The following TUB variants were observed in gnomAD, a reference collection of about 807,000 sequenced individuals.
The protein encoded by TUB is TUB bipartite transcription factor.
TUB carries 33 observed loss-of-function variants against 59.7 expected under a neutral mutation model. That is an observed-to-expected ratio of 0.55 (90% CI 0.42 to 0.74). The LOEUF (loss-of-function observed/expected upper bound fraction) is 0.74, where lower values mean the gene tolerates loss of function less well. Ranked by LOEUF, TUB falls within the 30% of genes least tolerant of loss-of-function variation. TUB has a pLI of 0.00. For missense variants in TUB, 659 were observed against 672.0 expected (o/e 0.98, Z 0.21); for synonymous variants, 293 against 256.4 (o/e 1.14, Z -1.36).
intron 1 of TUB, among the ~76,000 whole-genome samples, chr11:8,083,109 T>C (rs1053329799): frequency 6.6e-6 from 1 of 152,190 alleles, no homozygotes; most frequent in Non-Finnish European, 1.5e-5. Flanking sequence ...TCTTGGCACA[T>C]GTGGGCTGAG....
chr11:8,031,460 G>C (rs1271603231), intron 1 of TUB, among the ~76,000 whole-genome samples: 1 of 152,216 alleles, frequency 6.6e-6, no homozygotes, highest in African/African-American at 2.4e-5. Context: ...CTCCGCTTAG[G>C]TCGCTGAGCC....
chr11:8,059,037 C>T (rs1943072676), intron 2 of TUB, among the ~76,000 whole-genome samples: 1 of 152,160 alleles, frequency 6.6e-6, no homozygotes, highest in Non-Finnish European at 1.5e-5. Context: ...TACACATAGT[C>T]CCAACATGTC....
At chr11:8,074,021 T>C (rs539688793) in intron 2 of TUB, among the ~76,000 whole-genome samples, 1 of 152,306 alleles carries the variant, frequency 6.6e-6, no homozygotes, top group Non-Finnish European at 1.5e-5. Context: ...ATTGTCTTAG[T>C]GACACACCAT....
chr11:8,091,823 G>A (rs149571710), intron 3 of TUB, among the ~76,000 whole-genome samples: 403 of 152,276 alleles, frequency 2.6e-3, no homozygotes, highest in Non-Finnish European at 4.2e-3. Context: ...TCCTTTGTGA[G>A]TGCCATCCCA....
At chr11:8,099,512 G>A (rs1281576454) in intron 9 of TUB, among the ~76,000 whole-genome samples, 1 of 152,166 alleles carries the variant, frequency 6.6e-6, no homozygotes, top group African/African-American at 2.4e-5. Flanking sequence ...CCAGTTTTGG[G>A]GAGGCAGCCT....
chr11:8,037,033 T>C (rs1942656082), upstream of TUB, among the ~76,000 whole-genome samples: 1 of 152,210 alleles, frequency 6.6e-6, no homozygotes, highest in Non-Finnish European at 1.5e-5. Flanking sequence ...CCTTTTACTC[T>C]GACTGGAGGG....
chr11:8,026,773 T>G (rs899686659), intron 1 of TUB, among the ~76,000 whole-genome samples: 1 of 152,204 alleles, frequency 6.6e-6, no homozygotes, highest in African/African-American at 2.4e-5. Flanking sequence ...GTTTTTCAAG[T>G]TCTAACCCCC....
chr11:8,057,442 A>G (rs1434694412), intron 2 of TUB, among the ~76,000 whole-genome samples: 1 of 152,182 alleles, frequency 6.6e-6, no homozygotes, highest in African/African-American at 2.4e-5. Flanking sequence ...TCAAAATTAC[A>G]AAGTTTTCCA....
intron 2 of TUB, among the ~76,000 whole-genome samples, chr11:8,055,225 G>A (rs187179129): frequency 1.6e-3 from 244 of 151,762 alleles, no homozygotes; most frequent in Admixed American, 4.3e-3. Context: ...GTGTGTGTGC[G>A]TGTGTGAGAG....
intron 2 of TUB, among the ~76,000 whole-genome samples, chr11:8,066,605 C>T (rs1481777957): frequency 1.3e-5 from 2 of 152,182 alleles, no homozygotes; most frequent in Non-Finnish European, 2.9e-5. Flanking sequence ...CTGCTTGGGG[C>T]AACACCGCTC....
intron 2 of TUB, among the ~76,000 whole-genome samples, chr11:8,054,017 AG>A (rs1168965278): frequency 1.3e-5 from 2 of 151,792 alleles, no homozygotes; most frequent in African/African-American, 4.8e-5. Flanking sequence ...CGGGAGGCTG[AG>A]GCAGGAGAAT....
chr11:8,074,150 C>T (rs1267999777), intron 2 of TUB, among the ~76,000 whole-genome samples: 1 of 151,446 alleles, frequency 6.6e-6, no homozygotes, highest in East Asian at 2.0e-4. Context: ...TATCGTCTGT[C>T]TTCTCTTAAC....
At chr11:8,080,733 T>A (rs1254066946), upstream of TUB, among the ~76,000 whole-genome samples, 1 of 152,112 alleles carries the variant, frequency 6.6e-6, no homozygotes, top group Non-Finnish European at 1.5e-5. Context: ...AGGAAACACC[T>A]CCTTAACCCA....
At position 8,094,144 on chromosome 11, in the gene TUB, G is replaced by T. The variant is rs147424798; in HGVS notation, c.352G>T (p.Gly118Cys). 3 of 1,613,954 alleles carry T rather than the reference G, an allele frequency of 1.9e-6. No homozygotes were observed. The highest frequency in any genetic ancestry group is 2.5e-6 in the Non-Finnish European group (3 of 1,179,998). Residue 118 changes from glycine to cysteine, a missense_variant, in exon 4 of 12, where the codon GGC (glycine) becomes TGC (cysteine). Around this residue, in one of 3 missense-constraint regions of TUB, gnomAD observed 321 missense variants for 304.3 expected, o/e 1.05. Transcript: ENST00000299506. ...KRTKAAATAG[G>C]QGGAARKEKK... ...AACCAAGGCGGCAGCTACAGCAGGG[G>T]GCCAGGGTGGCGCCGCTAGGAAGGA... is the stretch of plus-strand genomic sequence containing the variant.
chr11:8,049,940 C>T (rs1178360967), intron 2 of TUB, among the ~76,000 whole-genome samples: 1 of 152,026 alleles, frequency 6.6e-6, no homozygotes, highest in Non-Finnish European at 1.5e-5. Flanking sequence ...CTACCCAGAC[C>T]AAGAAACACA....
chr11:8,092,758 C>T (rs908952403), intron 3 of TUB, among the ~76,000 whole-genome samples: 3 of 152,294 alleles, frequency 2.0e-5, no homozygotes, highest in South Asian at 2.1e-4. Flanking sequence ...TGCACACACG[C>T]GTGGCCTACC....
chr11:8,067,719 C>A (rs555361207), intron 2 of TUB: 6 of 152,532 alleles, frequency 3.9e-5, no homozygotes, highest in African/African-American at 1.4e-4. Flanking sequence ...TCTTTGTTGT[C>A]AGCCCTCCTC....
intron 11 of TUB, among the ~76,000 whole-genome samples, 182 bp from the exon 12 acceptor site, chr11:8,101,304 T>C (rs1386777517): frequency 6.6e-6 from 1 of 151,954 alleles, no homozygotes; most frequent in African/African-American, 2.4e-5. Context: ...CTTTGCCATC[T>C]GCCACCTCTT....
chr11:8,089,609 G>A lies in TUB; in HGVS notation c.39-1G>A. 1 of 1,614,210 alleles carries A rather than the reference G, an allele frequency of 6.2e-7. No homozygotes were observed. The highest frequency in any genetic ancestry group is 1.7e-5 in the Admixed American group (1 of 60,024). ...CTGAAAACCCCTCTTTCGCTCTGCA[G>A]TGTCTTAGATGATGAGGGCAGAAAC... On this transcript the variant is annotated splice_acceptor_variant, in intron 1 of 11. Coordinates refer to ENST00000299506, the MANE Select transcript of TUB (RefSeq NM_177972.3). LOFTEE classifies it high-confidence loss of function.
Sources: gnomAD v4.1 joint callset for allele counts (sites outside exome capture counted in the v4.1 genomes callset) on GRCh38, gnomAD v4.1.1 for gene constraint, gnomAD v4.1.1 regional missense constraint, MANE v1.5 for transcripts, NCBI Gene and HGNC (gene_info 2026-07-23, HGNC 2026-07-21) for gene names.